CELF2: variants seen among roughly 807,000 people sequenced by gnomAD.
The protein encoded by CELF2 is CUGBP Elav-like family member 2, also known as CUG triplet repeat RNA-binding protein 2.
CELF2 carries 8 observed loss-of-function variants against 62.6 expected under a neutral mutation model. That is an observed-to-expected ratio of 0.13 (90% CI 0.07 to 0.23). The LOEUF (loss-of-function observed/expected upper bound fraction) is 0.23. Ranked by LOEUF, CELF2 falls within the 10% of genes least tolerant of loss-of-function variation. CELF2 has a pLI of 1.00. For missense variants in CELF2, 333 were observed against 671.0 expected, an observed-to-expected ratio of 0.50 and a Z score of 5.56; for synonymous variants, 258 against 250.0, an observed-to-expected ratio of 1.03 and a Z score of -0.30.
At chr10:11,144,617 G>A (rs576862762) in intron 1 of CELF2, among the ~76,000 whole-genome samples, 1 of 150,694 alleles carries the variant, frequency 6.6e-6, no homozygotes, top group Non-Finnish European at 1.5e-5. Flanking sequence ...CCCAAGGACA[G>A]GCACGGTGGC....
At chr10:10,832,075 C>T (rs998950420) in intron 1 of CELF2, among the ~76,000 whole-genome samples, 40 of 151,842 alleles carry the variant, frequency 2.6e-4, no homozygotes, top group Non-Finnish European at 1.2e-4. Flanking sequence ...CGAGACTATC[C>T]TGGCCAACGT....
upstream of CELF2, among the ~76,000 whole-genome samples, chr10:11,013,418 T>C (rs1048715247): frequency 7.6e-4 from 116 of 152,136 alleles, no homozygotes; most frequent in African/African-American, 2.7e-3. This position sits in a 1 kb window ranked among gnomAD's most constrained non-coding sequence, Gnocchi z 4.1. Flanking sequence ...TTCCCTTGGA[T>C]TGGAAGCTGC....
the CELF2 span, among the ~76,000 whole-genome samples, chr10:10,661,170 C>A: frequency 6.6e-6 from 1 of 152,226 alleles, no homozygotes; most frequent in Non-Finnish European, 1.5e-5. Flanking sequence ...CCCTTTCCAG[C>A]CATTTCCACA....
intron 1 of CELF2, among the ~76,000 whole-genome samples, chr10:11,135,481 T>C (rs2060287426): frequency 6.6e-6 from 1 of 152,242 alleles, no homozygotes; most frequent in South Asian, 2.1e-4. Flanking sequence ...CCACTCTAGT[T>C]CAACACTTAG....
the CELF2 span, among the ~76,000 whole-genome samples, chr10:10,494,779 T>C: frequency 6.6e-6 from 1 of 152,126 alleles, no homozygotes; most frequent in Non-Finnish European, 1.5e-5. Context: ...TAAAAAATAA[T>C]ATGATTAGAC....
chr10:10,783,672 G>A, the CELF2 span, among the ~76,000 whole-genome samples: 1 of 152,146 alleles, frequency 6.6e-6, no homozygotes. Flanking sequence ...AAGCAGGAGT[G>A]CTCTCAAACA....
the CELF2 span, among the ~76,000 whole-genome samples, chr10:10,575,781 AT>A: frequency 1.1e-3 from 170 of 152,370 alleles, 4 homozygotes; most frequent in South Asian, 0.031. Flanking sequence ...CAAGTAACAT[AT>A]AAATTAGGGG....
At chr10:10,923,708 A>C (rs1311690305) in intron 2 of CELF2, among the ~76,000 whole-genome samples, 1 of 152,268 alleles carries the variant, frequency 6.6e-6, no homozygotes, top group Non-Finnish European at 1.5e-5. Context: ...AAATTATATT[A>C]TAAATATTAA....
chr10:10,601,862 G>A, the CELF2 span, among the ~76,000 whole-genome samples: 1 of 151,976 alleles, frequency 6.6e-6, no homozygotes, highest in Non-Finnish European at 1.5e-5. Flanking sequence ...GCATCCATTA[G>A]CTATTTTTCC....
chr10:11,213,653 A>G (rs2062523469), intron 2 of CELF2, among the ~76,000 whole-genome samples: 2 of 152,236 alleles, frequency 1.3e-5, no homozygotes, highest in Admixed American at 1.3e-4. Flanking sequence ...GTTGTTAACT[A>G]GGAGAAACTC....
At chr10:11,291,839 G>C (rs987985796) in intron 9 of CELF2, among the ~76,000 whole-genome samples, 1 of 152,196 alleles carries the variant, frequency 6.6e-6, no homozygotes, top group African/African-American at 2.4e-5. Flanking sequence ...TTGCAAATGA[G>C]TTAGTTTTGT....
the CELF2 span, among the ~76,000 whole-genome samples, chr10:10,595,699 A>G: frequency 1.6e-4 from 25 of 152,284 alleles, no homozygotes; most frequent in Admixed American, 7.8e-4. Context: ...TTTGCAATTA[A>G]AAGTAGGTAT....
rs2082405160 is a variant in CELF2, at chr10:11,267,241, C to T, written c.618+564C>T. Among the ~76,000 whole-genome samples, 1 of 152,196 alleles carries T rather than the reference C, an allele frequency of 6.6e-6. No homozygotes were observed. Among genetic ancestry groups the T allele is most frequent in the South Asian group, 2.1e-4 (1 of 4,820 alleles). On this transcript the variant is annotated intron_variant, in intron 6 of 12. Transcript: ENST00000633077. The surrounding 1 kb of genome is among the most constrained non-coding windows in gnomAD (Gnocchi z 4.4). ...TTTGGAAAATAGGATTTGTCTCCTT[C>T]CTTAAAAAGATGAGCAATAACAAAG... is the stretch of plus-strand genomic sequence containing the variant.
At chr10:11,254,363 G>A (rs551821853) in intron 4 of CELF2, among the ~76,000 whole-genome samples, 50 of 152,212 alleles carry the variant, frequency 3.3e-4, no homozygotes, top group Non-Finnish European at 6.0e-4. Flanking sequence ...GCGCTCACAC[G>A]CCACACACAC....
chr10:11,178,365 A>C lies in CELF2; in HGVS notation c.271+12683A>C, dbSNP rs1306370274. Among the ~76,000 whole-genome samples the C allele has an allele frequency of 6.6e-6, 1 of 152,230 alleles. No individual in the cohort carries two copies. Among genetic ancestry groups the C allele is most frequent in the Non-Finnish European group, 1.5e-5 (1 of 68,046 alleles). The stretch of plus-strand genomic sequence containing the variant: ...TCCAGCACAGGGTGTATTCAGCTCT[A>C]GAGGTGGCAAACACGGGGCCCTTCC... On this transcript the variant is annotated intron_variant, in intron 2 of 12. Transcript: ENST00000633077. This position sits in a 1 kb window ranked among gnomAD's most constrained non-coding sequence, Gnocchi z 4.3.
chr10:10,998,289 T>A (rs1170918314), intron 2 of CELF2, among the ~76,000 whole-genome samples: 3 of 152,172 alleles, frequency 2.0e-5, no homozygotes, highest in Non-Finnish European at 2.9e-5. Context: ...AAATGCAATA[T>A]CCTTCCTCAC....
chr10:10,825,912 A>G (rs896865199), intron 1 of CELF2, among the ~76,000 whole-genome samples: 2 of 152,214 alleles, frequency 1.3e-5, no homozygotes, highest in Non-Finnish European at 2.9e-5. Flanking sequence ...TGGGTTACTC[A>G]GACATAGATC....
Position 11,158,777 on chromosome 10 carries a change from T to A in CELF2, c.75-6709T>A, listed in dbSNP as rs1212694821. Among the ~76,000 whole-genome samples, 4 of 152,334 alleles carry A rather than the reference T, an allele frequency of 2.6e-5. No individual in the cohort carries two copies. The East Asian group carries it at 5.8e-4, about 22-fold the overall frequency. ...TGGATGCATTTTACCCTGGCAAGCA[T>A]TTGAGACCCCCAACCGAACACAGTT... is the stretch of plus-strand genomic sequence containing the variant. On this transcript the variant is annotated intron_variant, in intron 1 of 12. Coordinates refer to ENST00000633077, the MANE Select transcript of CELF2 (RefSeq NM_001326342.2).
chr10:10,484,105 T>C, the CELF2 span, among the ~76,000 whole-genome samples: 3 of 5,114 alleles, frequency 5.9e-4, no homozygotes, highest in African/African-American at 8.7e-4. Context: ...CCCTCCCCCC[T>C]CCTCTCTCTC....
Sources: allele counts gnomAD v4.1 joint callset (sites outside exome capture counted in the v4.1 genomes callset), GRCh38; gene constraint gnomAD v4.1.1; non-coding constraint Gnocchi (gnomAD v3.1); transcripts MANE v1.5; gene names NCBI Gene and HGNC (gene_info 2026-07-23, HGNC 2026-07-21).